Variants in DENND2A observed in about 807,000 individuals in gnomAD.
DENND2A encodes DENN domain containing 2A, also known as DENN domain-containing protein 2A.
In DENND2A, 53 loss-of-function variants were observed where a neutral mutation model predicts 105.3. The observed-to-expected ratio is 0.50, with a 90% confidence interval of 0.40 to 0.63. The LOEUF (loss-of-function observed/expected upper bound fraction) is 0.63. Ranked by LOEUF, DENND2A falls within the 30% of genes least tolerant of loss-of-function variation. The pLI, the probability that DENND2A is intolerant of heterozygous loss-of-function variation, is 0.00. For missense variants in DENND2A, 1,138 were observed against 1,279.6 expected (o/e 0.89, Z 1.69); for synonymous variants, 522 against 508.4 (o/e 1.03, Z -0.36).
chr7:140,570,856 A>G (rs1798065296), intron 6 of DENND2A, among the ~76,000 whole-genome samples: 2 of 152,164 alleles, frequency 1.3e-5, no homozygotes, highest in East Asian at 3.9e-4. Context: ...TCAGACCAAA[A>G]AAGTTTGGTG....
chr7:140,548,981 G>C (rs1463906704), intron 12 of DENND2A, among the ~76,000 whole-genome samples: 1 of 151,938 alleles, frequency 6.6e-6, no homozygotes. Context: ...CATTTTGGGA[G>C]GCCAAGGCTG....
At position 140,599,670 on chromosome 7, in the gene DENND2A, AATAACTTATATATATTTACATAT is replaced by A. The variant is rs1799410532; in HGVS notation, c.995+1710_995+1732del. 1.3e-5 allele frequency among the ~76,000 whole-genome samples: 2 copies of A among 151,890 alleles called. 1 individual carries two copies. The highest frequency in any genetic ancestry group is 4.1e-4 in the South Asian group (2 of 4,826). On this transcript the variant is annotated intron_variant, in intron 3 of 19. Coordinates refer to ENST00000496613, the MANE Select transcript of DENND2A (RefSeq NM_015689.5). ...ATCACAGCATTATTTGTAAACTGGG[AATAACTTATATATATTTACATAT>A]ATATATACAAATATATGTAAATAAA...
chr7:140,557,051 GA>G lies in DENND2A; in HGVS notation c.1959+1091del, dbSNP rs554899990. Among the ~76,000 whole-genome samples, 1,442 of 146,292 alleles carry G rather than the reference GA, an allele frequency of 9.9e-3. 12 individuals carry two copies. The highest frequency in any genetic ancestry group is 0.026 in the African/African-American group (1,043 of 40,092). On this transcript the variant is annotated intron_variant, in intron 11 of 19. Transcript: ENST00000496613. The stretch of plus-strand genomic sequence containing the variant: ...AGGGTCTGTTTGGCATGTTTTATTA[GA>G]AAAAAAAAAATTCGCTTAAAGAGAG...
intron 9 of DENND2A, among the ~76,000 whole-genome samples, chr7:140,560,059 A>G (rs1164429692): frequency 6.6e-6 from 1 of 152,142 alleles, no homozygotes; most frequent in Non-Finnish European, 1.5e-5. Context: ...ATGATTCTCT[A>G]TGCTTGACAT....
At position 140,559,059 on chromosome 7, in the gene DENND2A, T is replaced by C. The variant is rs377408236; in HGVS notation, c.1889+649A>G. Among the ~76,000 whole-genome samples the C allele has an allele frequency of 4.6e-5, 7 of 152,132 alleles. No individual in the cohort carries two copies. The South Asian group carries it at 1.2e-3, about 27-fold the overall frequency. ...GCCTGGGGTGCTGTCCTCAGGGAAC[T>C]GAGCATGTGTGAGTGCAGTGACATC... is the stretch of plus-strand genomic sequence containing the variant. On this transcript the variant is annotated intron_variant, in intron 10 of 19. Coordinates refer to ENST00000496613, the MANE Select transcript of DENND2A (RefSeq NM_015689.5). This position sits in a 1 kb window ranked among gnomAD's most constrained non-coding sequence, Gnocchi z 4.1.
At chr7:140,620,647 C>T (rs1241863058) in intron 1 of DENND2A, among the ~76,000 whole-genome samples, 1 of 152,212 alleles carries the variant, frequency 6.6e-6, no homozygotes, top group Non-Finnish European at 1.5e-5. Flanking sequence ...CAGCAAGTCC[C>T]ACAGCTGCCT....
chr7:140,523,327 C>G lies in DENND2A; in HGVS notation c.2645G>C (p.Gly882Ala). Residue 882 changes from glycine to alanine, a missense_variant, in exon 17 of 20, where the codon GGG becomes GCG. By Grantham distance (60) the Gly-to-Ala change is moderately conservative. This residue lies in a region of DENND2A where 627 missense variants were observed against 779.8 expected (regional missense o/e 0.80). Transcript: ENST00000496613. This position sits in a 1 kb window ranked among gnomAD's most constrained non-coding sequence, Gnocchi z 4.5. ...CTTACCGTGCCTGCCGTCTAGGGGCCCTTCGTCCTGCTCACAAGCCAGCTC... is the reference window on the plus strand; with the variant it reads ...CTTACCGTGCCTGCCGTCTAGGGGCGCTTCGTCCTGCTCACAAGCCAGCTC... ...RNELACEQDEGPLDGRHGPES... is the reference protein window; with the variant it reads ...RNELACEQDEAPLDGRHGPES... 1 of 1,614,162 alleles carries G rather than the reference C, an allele frequency of 6.2e-7. No homozygotes were observed. Among genetic ancestry groups the G allele is most frequent in the Non-Finnish European group, 8.5e-7 (1 of 1,180,020 alleles).
At chr7:140,622,894 A>C (rs1302098870) in intron 1 of DENND2A, among the ~76,000 whole-genome samples, 2 of 152,138 alleles carry the variant, frequency 1.3e-5, no homozygotes, top group African/African-American at 4.8e-5. Flanking sequence ...TTAAACACGA[A>C]TCTGTATCCA....
intron 12 of DENND2A, among the ~76,000 whole-genome samples, chr7:140,551,903 C>T (rs1428373952): frequency 6.6e-6 from 1 of 152,162 alleles, no homozygotes; most frequent in Non-Finnish European, 1.5e-5. Flanking sequence ...TTACACTGCA[C>T]TCCTAAAATA....
chr7:140,545,930 G>A (rs967658352), intron 13 of DENND2A, among the ~76,000 whole-genome samples: 2 of 152,124 alleles, frequency 1.3e-5, no homozygotes, highest in Admixed American at 1.3e-4. Flanking sequence ...CACAGAGATT[G>A]CTGTTCTCTC....
At chr7:140,557,410 TA>T (rs1394791445) in intron 11 of DENND2A, among the ~76,000 whole-genome samples, 1 of 147,798 alleles carries the variant, frequency 6.8e-6, no homozygotes, top group East Asian at 2.0e-4. Flanking sequence ...CAAAATGAAA[TA>T]AAAGTATTTT....
At chr7:140,629,202 G>A (rs928836800) in intron 1 of DENND2A, among the ~76,000 whole-genome samples, 11 of 152,186 alleles carry the variant, frequency 7.2e-5, no homozygotes, top group African/African-American at 2.2e-4. Context: ...TAACCGCAGA[G>A]GTGTGCAGGA....
At chr7:140,541,211 G>C (rs753628127) in intron 14 of DENND2A, among the ~76,000 whole-genome samples, 1 of 152,062 alleles carries the variant, frequency 6.6e-6, no homozygotes, top group Non-Finnish European at 1.5e-5. Flanking sequence ...TCACCAGTGA[G>C]ACTGGTGTCT....
intron 9 of DENND2A, among the ~76,000 whole-genome samples, chr7:140,564,256 T>C (rs668466): frequency 0.49 from 73,050 of 147,904 alleles, 19,357 homozygotes; most frequent in African/African-American, 0.7. Context: ...GCACTCTAGC[T>C]CAGGCAATAG....
Position 140,544,772 on chromosome 7 carries a change from A to G in DENND2A, c.2179-6T>C. On this transcript the variant is annotated splice_region_variant and splice_polypyrimidine_tract_variant and intron_variant, in intron 13 of 19. Transcript: ENST00000496613. ...GGGCGGCACAGTTCGATCACCTGCC[A>G]GGGAACAGGAGCAGCCATGAAGGAG... 6.4e-7 allele frequency: 1 copy of G among 1,565,624 alleles called. No individual in the cohort carries two copies. The highest frequency in any genetic ancestry group is 2.3e-5 in the East Asian group (1 of 42,766).
intron 9 of DENND2A, among the ~76,000 whole-genome samples, chr7:140,562,414 CA>C (rs1797657463): frequency 6.6e-6 from 1 of 152,086 alleles, no homozygotes; most frequent in African/African-American, 2.4e-5. Flanking sequence ...GTAATCCCAG[CA>C]CTTTGGGAGG....
At chr7:140,558,076 C>A in intron 11 of DENND2A, 67 bp downstream of exon 11, 1 of 1,385,890 alleles carries the variant, frequency 7.2e-7, no homozygotes, top group East Asian at 2.3e-5. Flanking sequence ...GGAAGCCAGA[C>A]CTGGCTCTTG....
At chr7:140,563,373 C>T (rs189391122) in intron 9 of DENND2A, among the ~76,000 whole-genome samples, 3 of 152,228 alleles carry the variant, frequency 2.0e-5, no homozygotes, top group Middle Eastern at 3.4e-3. Flanking sequence ...AAGCTGCACA[C>T]GGAAATTTCC....
At chr7:140,621,197 TAA>T (rs952690701) in intron 1 of DENND2A, among the ~76,000 whole-genome samples, 126 of 150,832 alleles carry the variant, frequency 8.4e-4, no homozygotes, top group African/African-American at 3.0e-3. Flanking sequence ...CTCAGCTAAT[TAA>T]AAAATTTTTT....
Sources: allele counts gnomAD v4.1 joint callset (sites outside exome capture counted in the v4.1 genomes callset), GRCh38; gene constraint gnomAD v4.1.1; regional missense constraint gnomAD v4.1.1; non-coding constraint Gnocchi (gnomAD v3.1); transcripts MANE v1.5; gene names NCBI Gene and HGNC (gene_info 2026-07-23, HGNC 2026-07-21).